Variants in SLC6A11 observed in about 807,000 individuals in gnomAD.
SLC6A11 encodes the protein solute carrier family 6 member 11.
Under a neutral mutation model 74.8 loss-of-function variants are expected in SLC6A11, and 25 were observed. The observed-to-expected ratio is 0.33, with a 90% confidence interval of 0.24 to 0.47. The LOEUF is 0.47. SLC6A11 is among the 20% of genes least tolerant of loss of function. SLC6A11 has a pLI of 1.00. For synonymous variants in SLC6A11, 330 were observed against 330.2 expected (o/e 1.00, Z 0.01); for missense variants, 574 against 837.0 (o/e 0.69, Z 3.88).
At chr3:10,913,053 C>CTTT (rs374019258) in intron 7 of SLC6A11, among the ~76,000 whole-genome samples, 5 of 136,148 alleles carry the variant, frequency 3.7e-5, no homozygotes, top group Non-Finnish European at 7.8e-5. Flanking sequence ...GGAAGGTTGC[C>CTTT]TTTTTTTTTT....
rs1325693291 is a variant in SLC6A11 at position 10,918,100 on chromosome 3, G to C, written c.996-229G>C. Among the ~76,000 whole-genome samples, 1 of 152,178 alleles carries C rather than the reference G, an allele frequency of 6.6e-6. No individual in the cohort carries two copies. The highest frequency in any genetic ancestry group is 1.5e-5 in the Non-Finnish European group (1 of 68,034). On this transcript the variant is annotated intron_variant, in intron 7 of 13. Transcript: ENST00000254488. The surrounding 1 kb of genome is among the most constrained non-coding windows in gnomAD (Gnocchi z 4.5). The stretch of plus-strand genomic sequence containing the variant: ...CTTCCCATGCTGGCTCTATGCTTCT[G>C]ATTCGTGACCTACCTTACCTTCTAG...
chr3:10,871,526 C>T (rs966600647), intron 5 of SLC6A11, among the ~76,000 whole-genome samples: 7 of 151,744 alleles, frequency 4.6e-5, no homozygotes. Flanking sequence ...TAGACTTAAG[C>T]TGATTGGCTT....
intron 5 of SLC6A11, among the ~76,000 whole-genome samples, chr3:10,849,063 C>A (rs964710757): frequency 1.3e-5 from 2 of 152,174 alleles, no homozygotes; most frequent in Non-Finnish European, 2.9e-5. Flanking sequence ...GCTCATTAAG[C>A]AGTTTATCTC....
At chr3:10,839,748 T>G (rs2106582714) in intron 4 of SLC6A11, among the ~76,000 whole-genome samples, 1 of 152,320 alleles carries the variant, frequency 6.6e-6, no homozygotes, top group African/African-American at 2.4e-5. Flanking sequence ...CTGAGTGTCT[T>G]GCCAACACCT....
chr3:10,857,730 AC>A (rs1694655478), intron 5 of SLC6A11, among the ~76,000 whole-genome samples: 1 of 152,128 alleles, frequency 6.6e-6, no homozygotes, highest in East Asian at 1.9e-4. Context: ...CAGACCCTGC[AC>A]CCCTTGTTTG....
Position 10,918,486 on chromosome 3 carries a change from G to A in SLC6A11, c.1120+33G>A, listed in dbSNP as rs372812380. 1.5e-5 allele frequency: 24 copies of A among 1,594,734 alleles called. No individual in the cohort carries two copies. The East Asian group carries it at 3.5e-4, about 23-fold the overall frequency. On this transcript the variant is annotated intron_variant, in intron 8 of 13. Coordinates refer to ENST00000254488, the MANE Select transcript of SLC6A11 (RefSeq NM_014229.3). This position sits in a 1 kb window ranked among gnomAD's most constrained non-coding sequence, Gnocchi z 4.5. ...CGCCAAAGGTGGGGATGGAAAAGGCGGCAAGGGAGGCCAGGAGTGATGGTC... is the reference window on the plus strand; with the variant it reads ...CGCCAAAGGTGGGGATGGAAAAGGCAGCAAGGGAGGCCAGGAGTGATGGTC...
chr3:10,851,475 G>A (rs1418177863), intron 5 of SLC6A11, among the ~76,000 whole-genome samples: 1 of 151,662 alleles, frequency 6.6e-6, no homozygotes, highest in African/African-American at 2.4e-5. Flanking sequence ...GCCTTGAATT[G>A]ATTTTTTTCT....
chr3:10,908,091 A>G (rs1206151358), intron 6 of SLC6A11, among the ~76,000 whole-genome samples: 4 of 152,284 alleles, frequency 2.6e-5, no homozygotes, highest in Non-Finnish European at 5.9e-5. Flanking sequence ...TGATCACACC[A>G]CTGCACTCCA....
At chr3:10,839,960 A>C (rs1160798749) in intron 4 of SLC6A11, among the ~76,000 whole-genome samples, 2 of 151,824 alleles carry the variant, frequency 1.3e-5, no homozygotes, top group African/African-American at 4.8e-5. Context: ...CCAGTCACCC[A>C]TTCCTCTCCA....
chr3:10,936,005 C>T (rs1233985890), intron 13 of SLC6A11, among the ~76,000 whole-genome samples: 4 of 152,106 alleles, frequency 2.6e-5, no homozygotes, highest in Non-Finnish European at 5.9e-5. Context: ...GTGTGTGGTC[C>T]TTTGTCAGCA....
rs1695793334 is a variant in SLC6A11, at chr3:10,939,044, A to G, written c.*642A>G. 1 of 152,082 alleles carries G rather than the reference A, an allele frequency of 6.6e-6. No homozygotes were observed. Among genetic ancestry groups the G allele is most frequent in the African/African-American group, 2.4e-5 (1 of 41,328 alleles). 9.4% of individuals were successfully genotyped at this position (152,082 alleles called of 1,614,324 possible). A position where few individuals can be genotyped will look rare whatever the true frequency, so the allele number is the denominator to read the frequency against. Reference sequence around the variant, plus strand: ...TCCCCATCTCCCAAATGGGAGGAGGAGCCGGATTGGGTTATTTCTTAGGGA... The same window carrying G: ...TCCCCATCTCCCAAATGGGAGGAGGGGCCGGATTGGGTTATTTCTTAGGGA... On this transcript the variant is annotated 3_prime_UTR_variant, in exon 14 of 14. Coordinates refer to ENST00000254488, the MANE Select transcript of SLC6A11 (RefSeq NM_014229.3).
intron 5 of SLC6A11, among the ~76,000 whole-genome samples, chr3:10,845,865 T>C (rs914252173): frequency 1.3e-5 from 2 of 152,242 alleles, no homozygotes; most frequent in Non-Finnish European, 2.9e-5. Context: ...ATTGATCTAC[T>C]TCTTCAGACT....
At chr3:10,822,672 C>T (rs977569295) in intron 3 of SLC6A11, among the ~76,000 whole-genome samples, 2 of 152,064 alleles carry the variant, frequency 1.3e-5, no homozygotes, top group Non-Finnish European at 1.5e-5. Context: ...CACTAGGTTG[C>T]TTTTACTTGA....
In SLC6A11 at chr3:10,878,145, G is replaced by A. The variant is rs189979057; in HGVS notation, c.891+3050G>A. Among the ~76,000 whole-genome samples, 8 of 152,224 alleles carry A rather than the reference G, an allele frequency of 5.3e-5. No homozygotes were observed. In the East Asian group the frequency reaches 1.4e-3, roughly 26 times the overall value. On this transcript the variant is annotated intron_variant, in intron 6 of 13. Transcript: ENST00000254488. ...GCACCTCTTTTGCTTAAATTCTCCT[G>A]GGATTCCCTGTGGTCTTTGGAATAA...
At chr3:10,864,921 G>A (rs35418313) in intron 5 of SLC6A11, among the ~76,000 whole-genome samples, 2 of 152,038 alleles carry the variant, frequency 1.3e-5, no homozygotes, top group Non-Finnish European at 2.9e-5. Flanking sequence ...CTTAACACCA[G>A]CCTTCCACTG....
At chr3:10,827,713 A>C (rs1171717969) in intron 4 of SLC6A11, among the ~76,000 whole-genome samples, 1 of 152,216 alleles carries the variant, frequency 6.6e-6, no homozygotes, top group Admixed American at 6.5e-5. Context: ...AAGATGGAAG[A>C]TGAGGTTCTA....
chr3:10,931,168 G>A (rs1246623848), intron 10 of SLC6A11, among the ~76,000 whole-genome samples: 1 of 152,232 alleles, frequency 6.6e-6, no homozygotes, highest in East Asian at 1.9e-4. Context: ...CCCTTGACTA[G>A]CTGGCTAGAT....
chr3:10,835,028 C>G (rs1694348264), intron 4 of SLC6A11, among the ~76,000 whole-genome samples: 1 of 152,190 alleles, frequency 6.6e-6, no homozygotes, highest in Non-Finnish European at 1.5e-5. Context: ...CTCCCCACTC[C>G]AAACTCCTTG....
intron 5 of SLC6A11, among the ~76,000 whole-genome samples, chr3:10,870,230 T>A (rs1694813434): frequency 1.3e-5 from 2 of 152,188 alleles, no homozygotes; most frequent in Non-Finnish European, 2.9e-5. Flanking sequence ...CATTGTGTGG[T>A]GTCATGATCC....
Sources: allele counts gnomAD v4.1 joint callset (sites outside exome capture counted in the v4.1 genomes callset), GRCh38; gene constraint gnomAD v4.1.1; non-coding constraint Gnocchi (gnomAD v3.1); transcripts MANE v1.5; gene names NCBI Gene and HGNC (gene_info 2026-07-23, HGNC 2026-07-21).